CDH2: variants seen among roughly 807,000 people sequenced by gnomAD.
CDH2 encodes cadherin 2, also known as cadherin-2.
A neutral mutation model predicts 92.0 loss-of-function variants in CDH2; 17 were observed. That is an observed-to-expected ratio of 0.18 (90% CI 0.13 to 0.28). The LOEUF is 0.28. Ranked by LOEUF, CDH2 falls within the 10% of genes least tolerant of loss-of-function variation. The probability of loss-of-function intolerance (pLI) is 1.00; values close to 1 mark genes in which losing one functional copy is unlikely to be tolerated. For missense variants in CDH2, 862 were observed against 1,133.1 expected (o/e 0.76, Z 3.44); for synonymous variants, 419 against 415.9 (o/e 1.01, Z -0.09).
At chr18:27,941,777 G>C (rs1042831438) in intron 6 of CDH2, among the ~76,000 whole-genome samples, 5 of 152,200 alleles carry the variant, frequency 3.3e-5, no homozygotes, top group African/African-American at 1.2e-4. Flanking sequence ...TTATGCCAAA[G>C]TCCACAAGGA....
chr18:27,985,274 T>TA (rs1567949910), intron 12 of CDH2, 41 bp from the exon 13 acceptor site: 1 of 1,144,972 alleles, frequency 8.7e-7, no homozygotes, highest in East Asian at 2.5e-5. Flanking sequence ...AGGTAATACT[T>TA]AAAGCGATAA....
chr18:27,958,145 G>C (rs2011297126), intron 15 of CDH2, among the ~76,000 whole-genome samples: 1 of 152,126 alleles, frequency 6.6e-6, no homozygotes, highest in African/African-American at 2.4e-5. Context: ...TAAAGGCAAG[G>C]ATCTTGACCT....
rs17536626 is a variant in CDH2, at chr18:28,150,505, A to T, written c.61-2721T>A. On this transcript the variant is annotated intron_variant, in intron 1 of 15. Transcript: ENST00000269141. ...GGGCCATGTCGAAGCTGTCAGGAAG[A>T]CAGTGAATGTTCACCTCTGTGTTTT... Among the ~76,000 whole-genome samples the T allele has an allele frequency of 3.3e-3, 497 of 152,318 alleles. 3 individuals carry two copies. Among genetic ancestry groups the T allele is most frequent in the African/African-American group, 0.011 (457 of 41,580 alleles).
intron 7 of CDH2, among the ~76,000 whole-genome samples, chr18:27,996,245 T>C (rs946021532): frequency 1.3e-5 from 2 of 152,150 alleles, no homozygotes; most frequent in African/African-American, 4.8e-5. Context: ...CCATTTGGCA[T>C]TCTCCTCTGC....
At chr18:28,053,528 C>T (rs991312650) in intron 2 of CDH2, among the ~76,000 whole-genome samples, 1 of 152,134 alleles carries the variant, frequency 6.6e-6, no homozygotes, top group Non-Finnish European at 1.5e-5. Flanking sequence ...CATGTAACAA[C>T]TCGCTGAGTT....
intron 2 of CDH2, among the ~76,000 whole-genome samples, chr18:28,043,926 A>G (rs2014016854): frequency 1.7e-5 from 1 of 60,354 alleles, no homozygotes; most frequent in Non-Finnish European, 3.7e-5. Context: ...TTTTTTTTGG[A>G]GACAGAGTAC....
At chr18:27,985,466 T>C in intron 12 of CDH2, 62 bp downstream of exon 12, 1 of 1,137,312 alleles carries the variant, frequency 8.8e-7, no homozygotes, top group Non-Finnish European at 1.3e-6. Context: ...AAATTAACTT[T>C]TCATGCCAGG....
chr18:28,046,952 CT>C (rs2014088567), intron 2 of CDH2, among the ~76,000 whole-genome samples: 2 of 152,096 alleles, frequency 1.3e-5, no homozygotes, highest in African/African-American at 4.8e-5. Context: ...GCAATATTAC[CT>C]TTGTGAAATC....
intron 2 of CDH2, among the ~76,000 whole-genome samples, chr18:28,063,597 T>G (rs1599072143): frequency 6.6e-6 from 1 of 152,180 alleles, no homozygotes; most frequent in African/African-American, 2.4e-5. Context: ...TCACAGGGGC[T>G]CCCTTTCTCA....
intron 2 of CDH2, among the ~76,000 whole-genome samples, chr18:28,072,458 C>A (rs2014637465): frequency 6.6e-6 from 1 of 152,178 alleles, no homozygotes; most frequent in Non-Finnish European, 1.5e-5. Context: ...CATAGTTGTT[C>A]TCTGTCCTTT....
intron 2 of CDH2, among the ~76,000 whole-genome samples, chr18:28,130,719 T>A (rs928616352): frequency 6.6e-6 from 1 of 152,276 alleles, no homozygotes; most frequent in African/African-American, 2.4e-5. Context: ...AGTTGAAAAT[T>A]CTGTTACCTC....
chr18:28,076,350 G>A (rs1476276345), intron 2 of CDH2, among the ~76,000 whole-genome samples: 1 of 152,100 alleles, frequency 6.6e-6, no homozygotes, highest in African/African-American at 2.4e-5. Flanking sequence ...ATGTACTTGA[G>A]CAAGGCACTT....
chr18:28,086,918 T>C (rs543619088), intron 2 of CDH2, among the ~76,000 whole-genome samples: 2 of 152,314 alleles, frequency 1.3e-5, no homozygotes, highest in East Asian at 3.9e-4. Context: ...TGCTCCAGTT[T>C]AAGGTTTTAT....
intron 2 of CDH2, among the ~76,000 whole-genome samples, chr18:28,046,877 A>T (rs2014087559): frequency 6.6e-6 from 1 of 152,240 alleles, no homozygotes; most frequent in Admixed American, 6.5e-5. Context: ...GATAAAAGTG[A>T]CAGAAGCCAT....
chr18:28,109,301 T>C (rs1009870089), intron 2 of CDH2, among the ~76,000 whole-genome samples: 1 of 152,232 alleles, frequency 6.6e-6, no homozygotes, highest in African/African-American at 2.4e-5. Context: ...AACACTGTTA[T>C]GTCAGAAAAT....
At chr18:28,005,819 T>C (rs1433182021) in intron 6 of CDH2, 30 bp downstream of exon 6, 17 of 1,570,860 alleles carry the variant, frequency 1.1e-5, no homozygotes, top group Non-Finnish European at 1.5e-5. Context: ...TTTCCTCAAG[T>C]CATCTTCAAA....
intron 2 of CDH2, among the ~76,000 whole-genome samples, chr18:28,130,151 T>C (rs2015742591): frequency 6.6e-6 from 1 of 152,136 alleles, no homozygotes. Flanking sequence ...TTTCAATAAA[T>C]ATTAGTCAGA....
chr18:28,175,939 A>T (rs1467041845), intron 1 of CDH2, among the ~76,000 whole-genome samples: 3 of 152,092 alleles, frequency 2.0e-5, no homozygotes, highest in African/African-American at 7.2e-5. Context: ...GTCCCGGCCG[A>T]GGCTGTGTGA....
intron 2 of CDH2, among the ~76,000 whole-genome samples, chr18:28,093,605 A>T (rs1301336993): frequency 1.3e-5 from 2 of 152,148 alleles, no homozygotes; most frequent in Non-Finnish European, 2.9e-5. Context: ...ACACATTAGG[A>T]TGTTCTCAAA....
Sources: allele counts gnomAD v4.1 joint callset (sites outside exome capture counted in the v4.1 genomes callset), GRCh38; gene constraint gnomAD v4.1.1; transcripts MANE v1.5; gene names NCBI Gene and HGNC (gene_info 2026-07-23, HGNC 2026-07-21).